Variants in HFM1 observed in about 807,000 individuals in gnomAD.
The protein encoded by HFM1 is helicase for meiosis 1, also known as probable ATP-dependent DNA helicase HFM1.
A neutral mutation model predicts 192.1 loss-of-function variants in HFM1; 169 were observed. That is an observed-to-expected ratio of 0.88 (90% CI 0.78 to 1.00). The LOEUF is 1.00. HFM1 is among the 50% of genes least tolerant of loss of function. The pLI, the probability that HFM1 is intolerant of heterozygous loss-of-function variation, is 0.00. For missense variants in HFM1, 1,661 were observed against 1,668.0 expected (o/e 1.00, Z 0.07); for synonymous variants, 525 against 537.8 (o/e 0.98, Z 0.33).
At chr1:91,372,183 T>C (rs1158618038) in intron 13 of HFM1, among the ~76,000 whole-genome samples, 1 of 152,222 alleles carries the variant, frequency 6.6e-6, no homozygotes, top group Non-Finnish European at 1.5e-5. Flanking sequence ...ATTGTGGCGA[T>C]TCCTCGGGGA....
chr1:91,314,378 C>T (rs905569834), intron 28 of HFM1, among the ~76,000 whole-genome samples: 2 of 152,104 alleles, frequency 1.3e-5, no homozygotes, highest in African/African-American at 2.4e-5. Flanking sequence ...CTCGGTCTCC[C>T]GAGTAGCTGG....
At chr1:91,374,801 G>A (rs1024109551) in intron 13 of HFM1, among the ~76,000 whole-genome samples, 1 of 152,156 alleles carries the variant, frequency 6.6e-6, no homozygotes, top group African/African-American at 2.4e-5. Flanking sequence ...AGGCATAAAT[G>A]TGGGAATTCA....
chr1:91,277,580 CTTTATATATAAT>C (rs1666956526), intron 30 of HFM1, among the ~76,000 whole-genome samples: 1 of 11,528 alleles, frequency 8.7e-5, no homozygotes, highest in Admixed American at 1.4e-3. Context: ...AATATATATA[CTTTATATATAAT>C]ATATATACTT....
chr1:91,328,845 C>T, intron 20 of HFM1: 15 of 1,610,456 alleles, frequency 9.3e-6, no homozygotes, highest in Non-Finnish European at 1.3e-5. Flanking sequence ...TACCTTGATG[C>T]ACCCATCGAG....
intron 2 of HFM1, among the ~76,000 whole-genome samples, chr1:91,397,241 T>G (rs376445199): frequency 7.9e-5 from 12 of 152,304 alleles, no homozygotes; most frequent in African/African-American, 2.9e-4. Context: ...AAGAAATCAT[T>G]TGAAACTGAT....
At chr1:91,402,865 T>C (rs115653770) in intron 1 of HFM1, among the ~76,000 whole-genome samples, 4,006 of 152,142 alleles carry the variant, frequency 0.026, 76 homozygotes, top group Non-Finnish European at 0.035. Flanking sequence ...CAACTACAAA[T>C]AGACAACAAA....
At chr1:91,289,311 G>C (rs1027570310) in intron 30 of HFM1, among the ~76,000 whole-genome samples, 3 of 151,004 alleles carry the variant, frequency 2.0e-5, no homozygotes, top group Non-Finnish European at 4.4e-5. Context: ...ATGGGCGGCC[G>C]GGCAGAGATG....
chr1:91,335,709 A>C (rs537535098), intron 20 of HFM1, among the ~76,000 whole-genome samples: 2 of 152,292 alleles, frequency 1.3e-5, no homozygotes, highest in Admixed American at 6.5e-5. Context: ...ATTTCATAAA[A>C]TACAGTGGTA....
At chr1:91,368,812 G>T (rs1357947540) in intron 13 of HFM1, among the ~76,000 whole-genome samples, 1 of 152,098 alleles carries the variant, frequency 6.6e-6, no homozygotes, top group East Asian at 1.9e-4. Context: ...GCAAACTGGA[G>T]AAAGAGTTAA....
chr1:91,343,815 T>C (rs1358763032), intron 19 of HFM1, among the ~76,000 whole-genome samples: 2 of 152,130 alleles, frequency 1.3e-5, no homozygotes, highest in Non-Finnish European at 2.9e-5. Flanking sequence ...CTTCAAAACA[T>C]CACAATAAGG....
chr1:91,299,788 T>C (rs1648378667), intron 30 of HFM1, among the ~76,000 whole-genome samples: 2 of 152,164 alleles, frequency 1.3e-5, no homozygotes, highest in African/African-American at 4.8e-5. Flanking sequence ...CAAAGCAGTG[T>C]GTAGAGGGAA....
chr1:91,302,183 T>C (rs892672989), intron 30 of HFM1, among the ~76,000 whole-genome samples: 2 of 151,012 alleles, frequency 1.3e-5, no homozygotes, highest in Non-Finnish European at 2.9e-5. Flanking sequence ...CATGAGAAAA[T>C]GCTCATCATG....
At position 91,394,086 on chromosome 1, in the gene HFM1, T is replaced by A. The variant is rs779399691; in HGVS notation, c.494+7A>T. The A allele has an allele frequency of 2.1e-6, 3 of 1,411,092 alleles. No individual in the cohort carries two copies. The highest frequency in any genetic ancestry group is 1.9e-4 in the Middle Eastern group (1 of 5,210). 87.4% of individuals were successfully genotyped at this position (1,411,092 alleles called of 1,614,324 possible). ...AGAATATTATTTAGTTTAATTATAA[T>A]AATTACCTTTTCCGGAATACTGATG... On this transcript the variant is annotated splice_region_variant and intron_variant, in intron 4 of 38. Coordinates refer to ENST00000370425, the MANE Select transcript of HFM1 (RefSeq NM_001017975.6).
intron 30 of HFM1, among the ~76,000 whole-genome samples, chr1:91,277,737 TAA>T (rs1403475103): frequency 8.3e-4 from 71 of 85,690 alleles, no homozygotes; most frequent in African/African-American, 4.0e-3. Context: ...CTAATATATA[TAA>T]TATATATACT....
upstream of HFM1, among the ~76,000 whole-genome samples, chr1:91,407,817 C>T (rs541282822): frequency 1.6e-4 from 25 of 152,272 alleles, no homozygotes; most frequent in African/African-American, 5.5e-4. Flanking sequence ...GCTATTACAG[C>T]CAATGCCATG....
Position 91,267,813 on chromosome 1 carries a change from T to C in HFM1, c.3815A>G (p.Asp1272Gly). The C allele has an allele frequency of 1.9e-6, 3 of 1,582,152 alleles. No homozygotes were observed. Among genetic ancestry groups the C allele is most frequent in the South Asian group, 2.4e-5 (2 of 84,916 alleles). The change falls in exon 35 of 39, where the codon GAT (aspartate) becomes GGT (glycine). Residue 1272 changes from aspartate to glycine, a missense_variant. Asp to Gly is a moderately conservative substitution (Grantham distance 94, BLOSUM62 -1). Coordinates refer to ENST00000370425, the MANE Select transcript of HFM1 (RefSeq NM_001017975.6). ...TTCTAAGTTTTCATCATCAAAATCA[T>C]CCCAAACTTCATTTCCCAATTCAAA... ...VNFELGNEVW[D>G]DFDDENLEVT...
chr1:91,299,637 A>G (rs1164546279), intron 30 of HFM1, among the ~76,000 whole-genome samples: 1 of 152,198 alleles, frequency 6.6e-6, no homozygotes, highest in African/African-American at 2.4e-5. Context: ...AATTCACTCA[A>G]AACCGCTCAA....
At chr1:91,275,259 A>G (rs1203468925) in intron 32 of HFM1, among the ~76,000 whole-genome samples, 3 of 152,220 alleles carry the variant, frequency 2.0e-5, no homozygotes, top group East Asian at 3.8e-4. Context: ...CTGGGATTAC[A>G]GGCGTGAGCC....
At chr1:91,272,903 G>A (rs796556798) in intron 34 of HFM1, among the ~76,000 whole-genome samples, 33 of 152,038 alleles carry the variant, frequency 2.2e-4, no homozygotes, top group African/African-American at 7.5e-4. Flanking sequence ...GTCAACAGAA[G>A]CCAATGCCAA....
Sources: allele counts gnomAD v4.1 joint callset (sites outside exome capture counted in the v4.1 genomes callset), GRCh38; gene constraint gnomAD v4.1.1; transcripts MANE v1.5; gene names NCBI Gene and HGNC (gene_info 2026-07-23, HGNC 2026-07-21).